The following TMEM245 variants were observed in gnomAD, a reference collection of about 807,000 sequenced individuals.
TMEM245 encodes the protein transmembrane protein 245.
In TMEM245, 69 loss-of-function variants were observed where a neutral mutation model predicts 101.2. The ratio of observed to expected loss-of-function variants is 0.68; its 90% CI spans 0.56 to 0.83. TMEM245 has a LOEUF of 0.83. TMEM245 is among the 40% of genes least tolerant of loss of function. The pLI, the probability that TMEM245 is intolerant of heterozygous loss-of-function variation, is 0.00. For synonymous variants in TMEM245, 537 were observed against 449.8 expected (o/e 1.19, Z -2.45); for missense variants, 1,075 against 1,092.8 (o/e 0.98, Z 0.23).
chr9:109,041,087 A>G (rs190558129), intron 14 of TMEM245, among the ~76,000 whole-genome samples: 7 of 152,164 alleles, frequency 4.6e-5, no homozygotes, highest in Non-Finnish European at 8.8e-5. Context: ...ACCTCACCAC[A>G]TATCTCCTCA....
chr9:109,108,582 G>C lies in TMEM245; in HGVS notation c.580-12C>G, dbSNP rs759139817. On this transcript the variant is annotated splice_polypyrimidine_tract_variant and intron_variant, in intron 1 of 17. Transcript: ENST00000374586. ...ACCAACGTCCAGATCTTAAATAAAT[G>C]AAAGACACAGCTGTAAAATCTATAC... 1.3e-6 allele frequency: 2 copies of C among 1,559,746 alleles called. No individual in the cohort carries two copies. The highest frequency in any genetic ancestry group is 1.7e-6 in the Non-Finnish European group (2 of 1,145,810).
At chr9:109,078,392 C>G (rs563417752) in intron 8 of TMEM245, among the ~76,000 whole-genome samples, 1 of 152,316 alleles carries the variant, frequency 6.6e-6, no homozygotes, top group South Asian at 2.1e-4. Flanking sequence ...AGTCATTTAT[C>G]TTCACCCCGA....
At chr9:109,060,239 T>G in intron 11 of TMEM245, 115 bp downstream of exon 11, 1 of 747,572 alleles carries the variant, frequency 1.3e-6, no homozygotes, top group South Asian at 2.0e-5. Context: ...AAGGTTTTGC[T>G]GTTTTGAAAT....
intron 3 of TMEM245, among the ~76,000 whole-genome samples, chr9:109,097,186 T>C (rs1258686385): frequency 1.3e-5 from 2 of 152,210 alleles, no homozygotes; most frequent in Admixed American, 6.5e-5. Flanking sequence ...GACAGAACAG[T>C]TCTATCTTGG....
chr9:109,070,140 C>G (rs755931405), intron 9 of TMEM245, among the ~76,000 whole-genome samples: 1 of 152,150 alleles, frequency 6.6e-6, no homozygotes, highest in Non-Finnish European at 1.5e-5. Flanking sequence ...ACCTTACATA[C>G]ATTCTTTATG....
At chr9:109,118,046 C>A (rs1432196319) in intron 1 of TMEM245, among the ~76,000 whole-genome samples, 2 of 152,218 alleles carry the variant, frequency 1.3e-5, no homozygotes, top group African/African-American at 4.8e-5. Context: ...TGGCCCACAA[C>A]GGATGAGTCA....
chr9:109,063,432 A>G (rs1177702242), intron 10 of TMEM245, among the ~76,000 whole-genome samples: 1 of 152,130 alleles, frequency 6.6e-6, no homozygotes, highest in Non-Finnish European at 1.5e-5. Context: ...GATTCCATAT[A>G]TGTGTATACA....
At chr9:109,095,648 G>C (rs1428183409) in intron 3 of TMEM245, among the ~76,000 whole-genome samples, 1 of 152,214 alleles carries the variant, frequency 6.6e-6, no homozygotes, top group African/African-American at 2.4e-5. Context: ...AAACAGGATA[G>C]TAGTCTTCTT....
intron 5 of TMEM245, among the ~76,000 whole-genome samples, chr9:109,090,346 A>G (rs1038311756): frequency 6.6e-6 from 1 of 152,206 alleles, no homozygotes; most frequent in African/African-American, 2.4e-5. Context: ...ATGGATGGCT[A>G]AACAATCAAA....
At chr9:109,052,283 A>C (rs1828708951) in intron 12 of TMEM245, among the ~76,000 whole-genome samples, 1 of 152,250 alleles carries the variant, frequency 6.6e-6, no homozygotes, top group Non-Finnish European at 1.5e-5. Flanking sequence ...GAAGAAATGC[A>C]GATGATATTA....
At chr9:109,064,390 T>C (rs1829102048) in intron 10 of TMEM245, 87 bp downstream of exon 10, 2 of 1,201,138 alleles carry the variant, frequency 1.7e-6, no homozygotes, top group Non-Finnish European at 1.2e-6. Context: ...GTGAATAGCA[T>C]TTCTACTTAT....
In TMEM245 at chr9:109,084,465, G is replaced by A. The variant is rs142516809; in HGVS notation, c.1344+1532C>T. 1.4e-4 allele frequency among the ~76,000 whole-genome samples: 22 copies of A among 152,246 alleles called. No individual in the cohort carries two copies. The East Asian group carries it at 3.7e-3, about 25-fold the overall frequency. On this transcript the variant is annotated intron_variant, in intron 7 of 17. Coordinates refer to ENST00000374586, the MANE Select transcript of TMEM245 (RefSeq NM_032012.4). ...GTTATGAAGTAGTCTCATAAATTAG[G>A]TAATCTAGCTCATTTAGTCCACTGA...
intron 2 of TMEM245, 31 bp from the exon 3 acceptor site, chr9:109,106,640 T>G: frequency 6.5e-7 from 1 of 1,534,726 alleles, no homozygotes; most frequent in Non-Finnish European, 8.9e-7. Context: ...ACATTTTTAG[T>G]GAAATAAAAA....
At chr9:109,033,635 A>C (rs1828033184) in intron 16 of TMEM245, 134 bp from the exon 17 acceptor site, 1 of 742,290 alleles carries the variant, frequency 1.3e-6, no homozygotes. Context: ...ACCTCGATGC[A>C]TACAACTGAA....
At chr9:109,095,342 T>C (rs193184362) in intron 3 of TMEM245, among the ~76,000 whole-genome samples, 182 of 152,278 alleles carry the variant, frequency 1.2e-3, no homozygotes, top group African/African-American at 4.2e-3. Context: ...AAGGTATGAA[T>C]TAAATAACCA....
intron 2 of TMEM245, 32 bp downstream of exon 2, chr9:109,108,421 A>C: frequency 1.6e-5 from 2 of 124,382 alleles, no homozygotes; most frequent in Non-Finnish European, 1.3e-5. Flanking sequence ...GGCTAGACTT[A>C]AAAAAAAAAA....
At chr9:109,080,588 T>G (rs921052972) in intron 8 of TMEM245, among the ~76,000 whole-genome samples, 1 of 152,052 alleles carries the variant, frequency 6.6e-6, no homozygotes, top group African/African-American at 2.4e-5. Context: ...CATTATCTCA[T>G]TTTTTTCATT....
At chr9:109,104,071 C>T (rs1019761076) in intron 3 of TMEM245, among the ~76,000 whole-genome samples, 1 of 151,224 alleles carries the variant, frequency 6.6e-6, no homozygotes, top group Non-Finnish European at 1.5e-5. Context: ...GCCAACAGAA[C>T]GAGACTCCAT....
chr9:109,090,783 TTAC>T, intron 5 of TMEM245, 136 bp downstream of exon 5: 3 of 728,800 alleles, frequency 4.1e-6, no homozygotes, highest in Non-Finnish European at 6.6e-6. Context: ...TGGTGTTTGT[TTAC>T]TATTTAAATG....
Sources: gnomAD v4.1 joint callset for allele counts (sites outside exome capture counted in the v4.1 genomes callset) on GRCh38, gnomAD v4.1.1 for gene constraint, MANE v1.5 for transcripts, NCBI Gene and HGNC (gene_info 2026-07-23, HGNC 2026-07-21) for gene names.